Variants in OSBPL10 observed in about 807,000 individuals in gnomAD.
The protein encoded by OSBPL10 is oxysterol binding protein like 10.
Under a neutral mutation model 81.7 loss-of-function variants are expected in OSBPL10, and 49 were observed. The observed-to-expected ratio is 0.60, with a 90% CI of 0.48 to 0.76. OSBPL10 has a LOEUF of 0.76. OSBPL10 is among the 30% of genes least tolerant of loss of function. OSBPL10 has a pLI of 0.00. For synonymous variants in OSBPL10, 419 were observed against 383.6 expected, an observed-to-expected ratio of 1.09 and a Z score of -1.08; for missense variants, 923 against 987.8, an observed-to-expected ratio of 0.93 and a Z score of 0.88.
rs181071201 is a variant in OSBPL10, at chr3:31,683,664, T to G, written c.1696A>C (p.Met566Leu). The G allele has an allele frequency of 1.9e-6, 3 of 1,613,482 alleles. No individual in the cohort carries two copies. The East Asian group carries it at 6.7e-5, about 36-fold the overall frequency. ...HVWTKSKFMG[M>L]SVGVSMIGEG... ...CCTATCATAGAGACCCCCACGGACA[T>G]GCCCATGAACTTGCTTTTGGTCCAT... The change falls in exon 8 of 12, where the codon ATG becomes CTG. Residue 566 changes from methionine (M) to leucine (L), a missense_variant. By Grantham distance (15) the Met-to-Leu change is conservative (BLOSUM62 2). Coordinates refer to ENST00000396556, the MANE Select transcript of OSBPL10 (RefSeq NM_017784.5).
intron 2 of OSBPL10, among the ~76,000 whole-genome samples, chr3:31,988,256 G>A (rs1028672964): frequency 1.3e-5 from 2 of 152,166 alleles, no homozygotes; most frequent in Non-Finnish European, 2.9e-5. Flanking sequence ...GGCACTTACG[G>A]AGCTAAACTT....
chr3:31,964,835 A>G (rs950193955), intron 1 of OSBPL10, among the ~76,000 whole-genome samples: 1 of 152,176 alleles, frequency 6.6e-6, no homozygotes, highest in African/African-American at 2.4e-5. Context: ...TAGTCTGTAA[A>G]AGAACACACA....
At chr3:31,823,219 C>A (rs1412886784) in intron 4 of OSBPL10, among the ~76,000 whole-genome samples, 1 of 152,164 alleles carries the variant, frequency 6.6e-6, no homozygotes, top group Non-Finnish European at 1.5e-5. Context: ...CACATAGTTA[C>A]CTAAGCAACC....
chr3:31,886,591 C>G (rs1335427192), intron 1 of OSBPL10, among the ~76,000 whole-genome samples: 5 of 152,224 alleles, frequency 3.3e-5, no homozygotes, highest in African/African-American at 1.2e-4. Context: ...TGTGAACAGA[C>G]TTCTGCACCC....
intron 2 of OSBPL10, among the ~76,000 whole-genome samples, chr3:32,004,487 A>C (rs1251287230): frequency 6.6e-6 from 1 of 152,274 alleles, no homozygotes; most frequent in Non-Finnish European, 1.5e-5. Flanking sequence ...GAGTCAGAAC[A>C]CAGGGACAAA....
intron 1 of OSBPL10, among the ~76,000 whole-genome samples, chr3:31,928,520 A>C (rs1327508734): frequency 7.9e-6 from 1 of 125,788 alleles, no homozygotes; most frequent in Non-Finnish European, 1.7e-5. Context: ...CCTGCCTGTA[A>C]TCCCAGCACT....
chr3:31,713,978 A>C (rs1696349736), intron 6 of OSBPL10: 1 of 152,232 alleles, frequency 6.6e-6, no homozygotes, highest in South Asian at 2.1e-4. Context: ...TAAGTAAAGG[A>C]AATAAACAGC....
In OSBPL10 at chr3:31,996,168, C is replaced by T. The variant is rs138160818; in HGVS notation, n.298+50323G>A. Among the ~76,000 whole-genome samples, 1,063 of 152,216 alleles carry T rather than the reference C, an allele frequency of 7.0e-3. 17 individuals are homozygous for T. The highest frequency in any genetic ancestry group is 0.023 in the African/African-American group (962 of 41,530). Reference sequence around the variant, plus strand: ...TCCTTCTGACTTCCCCACAGGTAAACGCAAACAACCAGAATGGAAGATTAC... The same window carrying T: ...TCCTTCTGACTTCCCCACAGGTAAATGCAAACAACCAGAATGGAAGATTAC... On this transcript the variant is annotated intron_variant and non_coding_transcript_variant, in intron 2 of 3. Transcript: ENST00000479173.
chr3:32,054,610 C>T (rs1699694145), intron 1 of OSBPL10, among the ~76,000 whole-genome samples: 1 of 143,548 alleles, frequency 7.0e-6, no homozygotes, highest in African/African-American at 2.6e-5. Context: ...TGGCTCACTG[C>T]AACCTCTGCC....
intron 2 of OSBPL10, among the ~76,000 whole-genome samples, chr3:32,020,865 C>T (rs1699358285): frequency 6.6e-6 from 1 of 152,154 alleles, no homozygotes; most frequent in Non-Finnish European, 1.5e-5. Context: ...TAATGAAATA[C>T]CACAGACTGG....
intron 3 of OSBPL10, among the ~76,000 whole-genome samples, chr3:31,832,040 C>T (rs1232323809): frequency 3.3e-5 from 5 of 152,200 alleles, no homozygotes; most frequent in African/African-American, 1.2e-4. Flanking sequence ...TACTACCAAG[C>T]TGTAAGAGAA....
At chr3:31,949,774 T>C (rs979909197) in intron 1 of OSBPL10, among the ~76,000 whole-genome samples, 1 of 149,716 alleles carries the variant, frequency 6.7e-6, no homozygotes, top group Non-Finnish European at 1.5e-5. Flanking sequence ...AGAGGTAACT[T>C]CTGAAACTTT....
chr3:31,683,849 G>T lies in OSBPL10; in HGVS notation c.1511C>A (p.Ala504Asp). 6.2e-7 allele frequency: 1 copy of T among 1,614,268 alleles called. No individual in the cohort carries two copies. The highest frequency in any genetic ancestry group is 8.5e-7 in the Non-Finnish European group (1 of 1,180,060). ...PKDRVKPKRT[A>D]SRSPASCHEH... ...GTGACAGCTGGCAGGAGAGCGGGAA[G>T]CAGTCCTCTTAGGCTTGACCCTGTC... The change falls in exon 8 of 12, where the codon GCT becomes GAT. Residue 504 changes from alanine (A) to aspartate (D), a missense_variant. By Grantham distance (126) the Ala-to-Asp change is moderately radical. Transcript: ENST00000396556.
intron 2 of OSBPL10, among the ~76,000 whole-genome samples, chr3:32,020,751 C>T (rs998171589): frequency 4.0e-5 from 6 of 151,644 alleles, no homozygotes; most frequent in South Asian, 2.1e-4. Flanking sequence ...TTTATAGAAG[C>T]GGGTAAGCAA....
At chr3:31,866,066 C>A (rs988264852) in intron 3 of OSBPL10, among the ~76,000 whole-genome samples, 1 of 152,150 alleles carries the variant, frequency 6.6e-6, no homozygotes, top group Admixed American at 6.5e-5. Flanking sequence ...CTCCAAAGCC[C>A]TCTGGCTCAC....
At chr3:31,828,235 T>C (rs988566329) in intron 4 of OSBPL10, among the ~76,000 whole-genome samples, 2 of 152,248 alleles carry the variant, frequency 1.3e-5, no homozygotes, top group African/African-American at 4.8e-5. Flanking sequence ...GTTAATGTAA[T>C]GGTATTTATC....
chr3:31,768,176 TG>T (rs1189749180), intron 4 of OSBPL10, among the ~76,000 whole-genome samples: 1 of 152,186 alleles, frequency 6.6e-6, no homozygotes, highest in Non-Finnish European at 1.5e-5. Context: ...ATGGCGCTGG[TG>T]GGAGTGTCTC....
intron 3 of OSBPL10, among the ~76,000 whole-genome samples, chr3:31,853,666 A>G (rs1700828988): frequency 6.6e-6 from 1 of 152,202 alleles, no homozygotes; most frequent in Non-Finnish European, 1.5e-5. Context: ...ACTTATTATT[A>G]TTCACACAGT....
chr3:31,688,283 T>TCACTCA (rs1553614128), intron 7 of OSBPL10, among the ~76,000 whole-genome samples: 1 of 115,408 alleles, frequency 8.7e-6, no homozygotes, highest in African/African-American at 3.3e-5. Flanking sequence ...TCTCTCTCTC[T>TCACTCA]CACACACACA....
Sources: allele counts gnomAD v4.1 joint callset (sites outside exome capture counted in the v4.1 genomes callset), GRCh38; gene constraint gnomAD v4.1.1; transcripts MANE v1.5; gene names NCBI Gene and HGNC (gene_info 2026-07-23, HGNC 2026-07-21).